Variants in RFX8 observed in about 807,000 individuals in gnomAD.
RFX8 encodes regulatory factor X8.
Under a neutral mutation model 54.6 loss-of-function variants are expected in RFX8, and 46 were observed. The observed-to-expected ratio is 0.84, with a 90% CI of 0.67 to 1.08. The LOEUF is 1.08. RFX8 is among the 50% of genes least tolerant of loss of function. The pLI is 0.00. For missense variants in RFX8, 536 were observed against 562.3 expected (o/e 0.95, Z 0.47); for synonymous variants, 192 against 209.5 (o/e 0.92, Z 0.72).
intron 4 of RFX8, among the ~76,000 whole-genome samples, chr2:101,420,772 C>G (rs1474376690): frequency 6.6e-6 from 1 of 152,094 alleles, no homozygotes; most frequent in African/African-American, 2.4e-5. Context: ...CCCTGGCCTT[C>G]TCTGTTACCC....
At chr2:101,449,743 G>T (rs1688578103) in intron 2 of RFX8, among the ~76,000 whole-genome samples, 1 of 152,150 alleles carries the variant, frequency 6.6e-6, no homozygotes, top group Admixed American at 6.6e-5. Flanking sequence ...TCATCCACCT[G>T]CAGGAGGCCA....
chr2:101,469,017 G>T lies in RFX8; in HGVS notation c.-52-2117C>A, dbSNP rs201322351. On this transcript the variant is annotated intron_variant, in intron 1 of 11. Coordinates refer to ENST00000428343, the MANE Select transcript of RFX8 (RefSeq NM_001145664.2). ...GTATATATATACGTATATATATATAGGTATATATATATACGTATATATATG... is the reference window on the plus strand; with the variant it reads ...GTATATATATACGTATATATATATATGTATATATATATACGTATATATATG... Among the ~76,000 whole-genome samples, 17 of 20,560 alleles carry T rather than the reference G, an allele frequency of 8.3e-4. No individual in the cohort carries two copies. The South Asian group carries it at 0.022, about 27-fold the overall frequency. 13.5% of individuals were successfully genotyped at this position (20,560 alleles called of 152,430 possible). A position where few individuals can be genotyped will look rare whatever the true frequency, so the allele number is the denominator to read the frequency against.
rs1050670240 is a variant in RFX8, at chr2:101,456,593, G to A, written c.72+10184C>T. Among the ~76,000 whole-genome samples, 6 of 152,318 alleles carry A rather than the reference G, an allele frequency of 3.9e-5. No individual in the cohort carries two copies. The East Asian group carries it at 1.2e-3, about 29-fold the overall frequency. On this transcript the variant is annotated intron_variant, in intron 2 of 11. Coordinates refer to ENST00000428343, the MANE Select transcript of RFX8 (RefSeq NM_001145664.2). The stretch of plus-strand genomic sequence containing the variant: ...GATCATAGTGGATAAGCTTTTTGAT[G>A]TGCTACTGGATTCGGTTTGCCAGTA...
At chr2:101,432,634 C>G (rs1375642237) in intron 2 of RFX8, among the ~76,000 whole-genome samples, 1 of 152,184 alleles carries the variant, frequency 6.6e-6, no homozygotes. Flanking sequence ...CTCACTGCCC[C>G]CTGCGTCATT....
At chr2:101,445,021 T>C (rs751047373) in intron 2 of RFX8, among the ~76,000 whole-genome samples, 4 of 152,232 alleles carry the variant, frequency 2.6e-5, no homozygotes, top group Non-Finnish European at 5.9e-5. Context: ...TCTGCTCTTA[T>C]CCACATGTAG....
chr2:101,471,206 T>C (rs1689968038), intron 1 of RFX8, among the ~76,000 whole-genome samples: 1 of 151,854 alleles, frequency 6.6e-6, no homozygotes, highest in African/African-American at 2.4e-5. Context: ...CAGTGGTGCG[T>C]GCCTGTAATC....
intron 6 of RFX8, among the ~76,000 whole-genome samples, chr2:101,417,150 A>T (rs943491638): frequency 6.6e-6 from 1 of 152,220 alleles, no homozygotes; most frequent in South Asian, 2.1e-4. Flanking sequence ...GCTGAAAGCT[A>T]CCACCCAGGG....
In RFX8 at chr2:101,461,279, A is replaced by AAAAAAAG. The variant is rs1553459153; in HGVS notation, c.72+5497_72+5498insCTTTTTT. Among the ~76,000 whole-genome samples the AAAAAAAG allele has an allele frequency of 4.0e-5, 5 of 124,798 alleles. No individual in the cohort carries two copies. In the East Asian group the frequency reaches 8.7e-4, roughly 22 times the overall value. The allele number at this position is 124,798 out of a possible 152,430, so 81.9% of individuals were successfully genotyped here. Reference sequence around the variant, plus strand: ...CTCCATCTCAAAAAAAAAAAAAAAAAAAAGAAAGAAAAAGAAAAAGAAAAG... The same window carrying AAAAAAAG: ...CTCCATCTCAAAAAAAAAAAAAAAAAAAAAAAGAAAGAAAGAAAAAGAAAAAGAAAAG... On this transcript the variant is annotated intron_variant, in intron 2 of 11. Coordinates refer to ENST00000428343, the MANE Select transcript of RFX8 (RefSeq NM_001145664.2).
At chr2:101,430,345 T>G (rs1687418662) in intron 2 of RFX8, among the ~76,000 whole-genome samples, 1 of 152,216 alleles carries the variant, frequency 6.6e-6, no homozygotes, top group African/African-American at 2.4e-5. Flanking sequence ...ATTCCTACAT[T>G]GAAGCCCTAG....
chr2:101,419,848 G>GTGTA (rs1479789977), intron 4 of RFX8, among the ~76,000 whole-genome samples: 1 of 152,204 alleles, frequency 6.6e-6, no homozygotes, highest in Non-Finnish European at 1.5e-5. Flanking sequence ...ACAACACAGG[G>GTGTA]TGTAGCAATC....
intron 2 of RFX8, among the ~76,000 whole-genome samples, chr2:101,424,869 G>A (rs2104593389): frequency 6.6e-6 from 1 of 152,228 alleles, no homozygotes; most frequent in Admixed American, 6.5e-5. Flanking sequence ...CCCGTCAGGG[G>A]GTCGGGGCCT....
intron 3 of RFX8, 59 bp from the exon 4 acceptor site, chr2:101,421,836 T>C: frequency 7.8e-7 from 1 of 1,274,326 alleles, no homozygotes; most frequent in African/African-American, 1.5e-5. Flanking sequence ...TGAACTGATC[T>C]TCACAGACTT....
chr2:101,451,414 G>A (rs191383009), intron 2 of RFX8, among the ~76,000 whole-genome samples: 153 of 152,266 alleles, frequency 1.0e-3, no homozygotes, highest in African/African-American at 3.4e-3. Flanking sequence ...GGGGCTGGGC[G>A]CGGTGGCTCA....
chr2:101,469,109 T>TGTATATATATATAA (rs1278962631), intron 1 of RFX8, among the ~76,000 whole-genome samples: 3 of 26,040 alleles, frequency 1.2e-4, no homozygotes, highest in South Asian at 1.4e-3. Context: ...TATATATAAG[T>TGTATATATATATAA]GTATATATAT....
At chr2:101,469,781 C>T (rs892075558) in intron 1 of RFX8, among the ~76,000 whole-genome samples, 4 of 152,104 alleles carry the variant, frequency 2.6e-5, no homozygotes, top group African/African-American at 9.7e-5. Context: ...CCGAGCCTGC[C>T]TGTTACCTAA....
chr2:101,399,349 ATTGT>A (rs1375271207), intron 11 of RFX8, among the ~76,000 whole-genome samples: 4 of 152,222 alleles, frequency 2.6e-5, no homozygotes, highest in East Asian at 3.8e-4. Context: ...TTTTGGTGTG[ATTGT>A]TTAAGTCATT....
At chr2:101,416,769 G>T (rs1341457807) in intron 6 of RFX8, among the ~76,000 whole-genome samples, 4 of 152,148 alleles carry the variant, frequency 2.6e-5, no homozygotes, top group African/African-American at 7.2e-5. Flanking sequence ...ACACAAAGAG[G>T]ATAGATTTAT....
In RFX8 at chr2:101,410,717, C is replaced by A. The variant is rs776688880; in HGVS notation, c.719-4G>T. On this transcript the variant is annotated splice_region_variant and splice_polypyrimidine_tract_variant and intron_variant, in intron 8 of 11. Transcript: ENST00000428343. ...AAAGAAATTAAGTTTCTTAAACCTA[C>A]AAAGACACAAAATAAACAAACAAAA... The A allele has an allele frequency of 8.3e-6, 12 of 1,440,052 alleles. No individual in the cohort carries two copies. Among genetic ancestry groups the A allele is most frequent in the Non-Finnish European group, 1.1e-5 (12 of 1,048,378 alleles). The allele number at this position is 1,440,052 out of a possible 1,614,324, so 89.2% of individuals were successfully genotyped here.
At chr2:101,470,085 C>T (rs1165696764) in intron 1 of RFX8, among the ~76,000 whole-genome samples, 1 of 151,228 alleles carries the variant, frequency 6.6e-6, no homozygotes, top group East Asian at 1.9e-4. Flanking sequence ...CCAGTAGTTG[C>T]CTCAGCCTTC....
Sources: allele counts gnomAD v4.1 joint callset (sites outside exome capture counted in the v4.1 genomes callset), GRCh38; gene constraint gnomAD v4.1.1; transcripts MANE v1.5; gene names NCBI Gene and HGNC (gene_info 2026-07-23, HGNC 2026-07-21).